The following OTOF variants were observed in gnomAD, a reference collection of about 807,000 sequenced individuals.
OTOF encodes otoferlin.
In OTOF, 218 loss-of-function variants were observed where a neutral mutation model predicts 236.8. The ratio of observed to expected loss-of-function variants is 0.92; its 90% confidence interval spans 0.82 to 1.03. The LOEUF (loss-of-function observed/expected upper bound fraction) is 1.03, where lower values mean the gene tolerates loss of function less well. Among genes scored for constraint, OTOF ranks in the 50% least tolerant of loss-of-function variants. The pLI, the probability that OTOF is intolerant of heterozygous loss-of-function variation, is 0.00. For missense variants in OTOF, 2,590 were observed against 2,694.4 expected (o/e 0.96, Z 0.86); for synonymous variants, 1,041 against 1,072.5 (o/e 0.97, Z 0.57).
chr2:26,502,596 C>A (rs1246573020), intron 6 of OTOF, among the ~76,000 whole-genome samples, 170 bp from the exon 7 acceptor site: 1 of 152,162 alleles, frequency 6.6e-6, no homozygotes, highest in African/African-American at 2.4e-5. Context: ...TACCTAATCC[C>A]GATCTTGGAT....
At chr2:26,502,782 C>T (rs560075726) in intron 6 of OTOF, among the ~76,000 whole-genome samples, 2 of 152,332 alleles carry the variant, frequency 1.3e-5, no homozygotes, top group Admixed American at 6.5e-5. Context: ...CTCTCTGTTC[C>T]AGGCACAACA....
intron 12 of OTOF, among the ~76,000 whole-genome samples, chr2:26,484,034 C>T (rs1308319155): frequency 6.6e-6 from 1 of 152,176 alleles, no homozygotes; most frequent in Admixed American, 6.5e-5. Flanking sequence ...TAGCCACTCT[C>T]TCTCCCCCAG....
chr2:26,472,382 G>T, intron 30 of OTOF, 137 bp downstream of exon 30: 1 of 1,087,770 alleles, frequency 9.2e-7, no homozygotes, highest in Non-Finnish European at 1.4e-6. Flanking sequence ...ACACAATCAA[G>T]CTCAGCCCCC....
At chr2:26,508,550 G>A (rs1381970909) in intron 5 of OTOF, among the ~76,000 whole-genome samples, 1 of 152,228 alleles carries the variant, frequency 6.6e-6, no homozygotes, top group East Asian at 1.9e-4. Flanking sequence ...TGTCAGGGAA[G>A]CTGGCTCTTC....
chr2:26,465,064 G>A, intron 38 of OTOF, 35 bp from the exon 39 acceptor site: 1 of 1,444,164 alleles, frequency 6.9e-7, no homozygotes, highest in Non-Finnish European at 9.2e-7. Flanking sequence ...GGAGGGGCTG[G>A]GTGGGACTAA....
In OTOF at chr2:26,484,630, T is replaced by A; in HGVS notation, c.1049A>T (p.His350Leu). The change falls in exon 12 of 47, where the codon CAC (histidine) becomes CTC (leucine). Residue 350 changes from histidine (H) to leucine (L), a missense_variant. By Grantham distance (99) the His-to-Leu change is moderately conservative. Around this residue, in one of 2 missense-constraint regions of OTOF, gnomAD observed 1,379 missense variants for 1,341.6 expected, o/e 1.03. Transcript: ENST00000272371. ...GATGGCCCACTTGTGATGGAACTGG[T>A]GCTCTGCAATGATGAGGGGTGGGCA... ...DVGTVYSQPE[H>L]QFHHKWAILS... 6.2e-7 allele frequency: 1 copy of A among 1,613,706 alleles called. No individual in the cohort carries two copies. The highest frequency in any genetic ancestry group is 8.5e-7 in the Non-Finnish European group (1 of 1,179,976).
chr2:26,541,292 T>A (rs11126564), intron 1 of OTOF, among the ~76,000 whole-genome samples: 40,684 of 151,908 alleles, frequency 0.27, 7,185 homozygotes, highest in East Asian at 0.7. Context: ...GTAAAATACG[T>A]GAAATCAGCC....
chr2:26,505,554 G>A (rs1023757947), intron 5 of OTOF, among the ~76,000 whole-genome samples: 2 of 152,174 alleles, frequency 1.3e-5, no homozygotes, highest in Non-Finnish European at 2.9e-5. Flanking sequence ...TCCTCTGAGG[G>A]CCACATACTT....
At chr2:26,505,339 G>A (rs190642344) in intron 5 of OTOF, among the ~76,000 whole-genome samples, 1 of 152,206 alleles carries the variant, frequency 6.6e-6, no homozygotes, top group East Asian at 1.9e-4. Context: ...GAAAGAAAGA[G>A]GCTCTAAAAT....
chr2:26,457,754 G>A lies in OTOF; in HGVS notation c.*484C>T. 2.3e-6 allele frequency: 1 copy of A among 432,574 alleles called. No individual in the cohort carries two copies. Among genetic ancestry groups the A allele is most frequent in the Non-Finnish European group, 4.2e-6 (1 of 240,274 alleles). The allele number at this position is 432,574 out of a possible 1,614,324, so 26.8% of individuals were successfully genotyped here. A position where few individuals can be genotyped will look rare whatever the true frequency, so the allele number is the denominator to read the frequency against. ...TCTTCCTCTGGAGCCTGGGCCTGAA[G>A]AAGGGTGGCGCCTCAGCCAGGTGGG... On this transcript the variant is annotated 3_prime_UTR_variant, in exon 47 of 47. Transcript: ENST00000272371. The surrounding 1 kb of genome is among the most constrained non-coding windows in gnomAD (Gnocchi z 4.4).
At position 26,467,196 on chromosome 2, in the gene OTOF, AAGT is replaced by A. The variant is rs1410269438; in HGVS notation, c.4262_4264del (p.Asn1421_Phe1422delinsIle). ...GTTGAAAGTGTGCAGCCAGTCCTCA[AAGT>A]TATCAAACTCGGACTCCAGCTCTTT... On this transcript the variant is annotated inframe_deletion, in exon 35 of 47. Coordinates refer to ENST00000272371, the MANE Select transcript of OTOF (RefSeq NM_194248.3). 6.2e-7 allele frequency: 1 copy of A among 1,614,082 alleles called. No individual in the cohort carries two copies. The highest frequency in any genetic ancestry group is 8.5e-7 in the Non-Finnish European group (1 of 1,180,008).
In OTOF at chr2:26,558,696, GA is replaced by G; in HGVS notation, c.-126del. 1 of 813,488 alleles carries G rather than the reference GA, an allele frequency of 1.2e-6. No homozygotes were observed. The allele number at this position is 813,488 out of a possible 1,614,324, so 50.4% of individuals were successfully genotyped here. On this transcript the variant is annotated 5_prime_UTR_variant, in exon 1 of 47. Coordinates refer to ENST00000272371, the MANE Select transcript of OTOF (RefSeq NM_194248.3). ...CTCCTCCTCCTCCCGACCCCCCTCC[GA>G]TGCTGCCCACAGAGACCAAGGCAAC... is the stretch of plus-strand genomic sequence containing the variant.
chr2:26,511,522 G>C (rs1297956996), intron 5 of OTOF, among the ~76,000 whole-genome samples: 1 of 152,218 alleles, frequency 6.6e-6, no homozygotes, highest in South Asian at 2.1e-4. Flanking sequence ...TCTGGCACAG[G>C]CCTTGCCCAG....
rs142242007 is a variant in OTOF at position 26,483,396 on chromosome 2, C to G, written c.1392+66G>C. ...CTGCCCAGCTGCCCCAGGCCCCACA[C>G]CCATCAGCCTGCCCTTGTGATACCT... On this transcript the variant is annotated intron_variant, in intron 13 of 46. Coordinates refer to ENST00000272371, the MANE Select transcript of OTOF (RefSeq NM_194248.3). The G allele has an allele frequency of 1.2e-4, 169 of 1,452,218 alleles. 1 individual carries two copies. In the East Asian group the frequency reaches 3.8e-3, roughly 32 times the overall value. The allele number at this position is 1,452,218 out of a possible 1,614,324, so 90.0% of individuals were successfully genotyped here. A position where few individuals can be genotyped will look rare whatever the true frequency, so the allele number is the denominator to read the frequency against.
At chr2:26,547,912 A>G (rs1667372562) in intron 1 of OTOF, among the ~76,000 whole-genome samples, 1 of 152,204 alleles carries the variant, frequency 6.6e-6, no homozygotes, top group Admixed American at 6.5e-5. Context: ...TTCTTTGTGG[A>G]AGGAAGTTTA....
chr2:26,534,588 C>T (rs150833574), intron 2 of OTOF, among the ~76,000 whole-genome samples: 301 of 152,326 alleles, frequency 2.0e-3, no homozygotes, highest in Non-Finnish European at 3.6e-3. Flanking sequence ...GGAGGGGCCC[C>T]TCCCTTGCTT....
Position 26,477,515 on chromosome 2 carries a change from A to G in OTOF, c.2316-9T>C, listed in dbSNP as rs1316638537. 1 of 1,600,486 alleles carries G rather than the reference A, an allele frequency of 6.2e-7. No individual in the cohort carries two copies. Among genetic ancestry groups the G allele is most frequent in the East Asian group, 2.3e-5 (1 of 44,362 alleles). On this transcript the variant is annotated splice_polypyrimidine_tract_variant and intron_variant, in intron 19 of 46. Transcript: ENST00000272371. This position sits in a 1 kb window ranked among gnomAD's most constrained non-coding sequence, Gnocchi z 4.7. ...CGAGGGAGAGGAAGCGGCTGGGGGT[A>G]GGGCGAGCCGGGGTTTAGCGAGCCT...
rs1194007138 is a variant in OTOF, at chr2:26,458,172, G to A, written c.*66C>T. 15 of 1,613,288 alleles carry A rather than the reference G, an allele frequency of 9.3e-6. No individual in the cohort carries two copies. The highest frequency in any genetic ancestry group is 1.3e-5 in the Non-Finnish European group (15 of 1,179,586). ...TGTACCGGGTGCAGATGAGGTACTT[G>A]ATGGACTTGAGAGGGTTGAGGAACC... On this transcript the variant is annotated 3_prime_UTR_variant, in exon 47 of 47. Coordinates refer to ENST00000272371, the MANE Select transcript of OTOF (RefSeq NM_194248.3).
chr2:26,527,696 G>A (rs906418654), intron 3 of OTOF, 136 bp downstream of exon 3: 10 of 740,062 alleles, frequency 1.4e-5, no homozygotes, highest in Admixed American at 1.2e-4. Flanking sequence ...AGATTTCTTC[G>A]GTCTTTGAAG....
Sources: allele counts gnomAD v4.1 joint callset (sites outside exome capture counted in the v4.1 genomes callset), GRCh38; gene constraint gnomAD v4.1.1; regional missense constraint gnomAD v4.1.1; non-coding constraint Gnocchi (gnomAD v3.1); transcripts MANE v1.5; gene names NCBI Gene and HGNC (gene_info 2026-07-23, HGNC 2026-07-21).